WDPCP: variants seen among roughly 807,000 people sequenced by gnomAD.
WDPCP encodes the protein WD repeat-containing and planar cell polarity effector protein fritz homolog.
A neutral mutation model predicts 93.1 loss-of-function variants in WDPCP; 71 were observed. That is an observed-to-expected ratio of 0.76 (90% confidence interval 0.63 to 0.93). The LOEUF (loss-of-function observed/expected upper bound fraction) is 0.93. WDPCP is among the 40% of genes least tolerant of loss of function. WDPCP has a pLI of 0.00. For missense variants in WDPCP, 844 were observed against 887.4 expected (o/e 0.95, Z 0.62); for synonymous variants, 315 against 315.0 (o/e 1.00, Z 0.00).
At chr2:63,528,449 C>T (rs566004030) in intron 1 of WDPCP, among the ~76,000 whole-genome samples, 4 of 152,188 alleles carry the variant, frequency 2.6e-5, no homozygotes, top group Admixed American at 2.6e-4. Context: ...AGCCAGTTTT[C>T]CCAGCACCAT....
intron 2 of WDPCP, among the ~76,000 whole-genome samples, chr2:63,722,766 C>T (rs1443422261): frequency 7.9e-5 from 12 of 151,728 alleles, no homozygotes; most frequent in African/African-American, 2.9e-4. Flanking sequence ...CCCGGCCAGC[C>T]GCCCCGTCTG....
intron 2 of WDPCP, among the ~76,000 whole-genome samples, chr2:63,794,912 C>G (rs1670592868): frequency 6.6e-6 from 1 of 152,202 alleles, no homozygotes; most frequent in Non-Finnish European, 1.5e-5. Context: ...TTATTCATAG[C>G]TTCTCCCACT....
At chr2:63,489,033 T>G (rs374760258) in intron 2 of WDPCP, among the ~76,000 whole-genome samples, 3 of 151,986 alleles carry the variant, frequency 2.0e-5, no homozygotes, top group African/African-American at 7.3e-5. Context: ...AACACTCACA[T>G]GAAGCAACAG....
At chr2:63,326,241 C>G (rs1687526584) in intron 12 of WDPCP, among the ~76,000 whole-genome samples, 1 of 152,174 alleles carries the variant, frequency 6.6e-6, no homozygotes, top group South Asian at 2.1e-4. Context: ...GGATGAGGAA[C>G]CAATCGAGCA....
At chr2:63,405,581 G>GTGTGTGTGTGTC (rs1415564153) in intron 9 of WDPCP, among the ~76,000 whole-genome samples, 57 of 136,372 alleles carry the variant, frequency 4.2e-4, no homozygotes, top group African/African-American at 1.5e-3. Context: ...GTGTGTGTGT[G>GTGTGTGTGTGTC]TGTGTTGGCG....
intron 2 of WDPCP, among the ~76,000 whole-genome samples, chr2:63,705,102 T>A (rs1669128298): frequency 6.6e-6 from 1 of 152,238 alleles, no homozygotes; most frequent in Non-Finnish European, 1.5e-5. Context: ...GTTTATAGTA[T>A]TCTCTGATGG....
chr2:63,720,274 A>G (rs1012050633), intron 2 of WDPCP, among the ~76,000 whole-genome samples: 1 of 152,064 alleles, frequency 6.6e-6, no homozygotes, highest in Admixed American at 6.6e-5. Context: ...AAATTTAGCC[A>G]GGTATGGCGG....
At chr2:63,265,813 C>T (rs1682059875) in intron 13 of WDPCP, among the ~76,000 whole-genome samples, 1 of 152,098 alleles carries the variant, frequency 6.6e-6, no homozygotes, top group Non-Finnish European at 1.5e-5. Flanking sequence ...GATCATTCAC[C>T]ATGATGAAGT....
intron 12 of WDPCP, among the ~76,000 whole-genome samples, chr2:63,338,306 G>A (rs575985916): frequency 5.9e-5 from 9 of 152,096 alleles, no homozygotes; most frequent in African/African-American, 2.2e-4. Flanking sequence ...CACTTTGGGA[G>A]GCCAAGGCGG....
chr2:63,273,021 A>G (rs1682779741), intron 13 of WDPCP, among the ~76,000 whole-genome samples: 2 of 152,186 alleles, frequency 1.3e-5, no homozygotes, highest in African/African-American at 4.8e-5. Context: ...GTCACATATA[A>G]GGGAATCCCA....
chr2:63,668,669 T>C (rs1425197912), intron 2 of WDPCP, among the ~76,000 whole-genome samples: 1 of 152,170 alleles, frequency 6.6e-6, no homozygotes, highest in African/African-American at 2.4e-5. Context: ...TGGTAGAAGA[T>C]TTATCACCCA....
chr2:63,203,189 C>T (rs952729478), intron 14 of WDPCP, among the ~76,000 whole-genome samples: 4 of 151,930 alleles, frequency 2.6e-5, no homozygotes, highest in African/African-American at 9.7e-5. Context: ...TTTGTGGGTA[C>T]ATAGTAGGTA....
At chr2:63,258,896 C>CA (rs1681365666) in intron 14 of WDPCP, among the ~76,000 whole-genome samples, 1 of 152,052 alleles carries the variant, frequency 6.6e-6, no homozygotes, top group African/African-American at 2.4e-5. Context: ...CCATCAAACC[C>CA]AAAATCTCAT....
chr2:63,693,644 G>A (rs756451403), intron 2 of WDPCP, among the ~76,000 whole-genome samples: 33 of 152,058 alleles, frequency 2.2e-4, no homozygotes, highest in Admixed American at 3.3e-4. Flanking sequence ...CCCCCAAGGC[G>A]GGTTGTGGAA....
intron 2 of WDPCP, among the ~76,000 whole-genome samples, chr2:63,687,660 T>C (rs974245854): frequency 3.3e-5 from 5 of 152,036 alleles, no homozygotes; most frequent in Admixed American, 2.6e-4. Context: ...GTTAAAATGG[T>C]TTATATCCAA....
intron 2 of WDPCP, among the ~76,000 whole-genome samples, chr2:63,708,012 C>A (rs1669194248): frequency 1.3e-5 from 2 of 152,160 alleles, no homozygotes; most frequent in Non-Finnish European, 2.9e-5. Flanking sequence ...GAGTACCCAG[C>A]TGTATGAGGT....
intron 13 of WDPCP, among the ~76,000 whole-genome samples, chr2:63,299,536 T>A (rs1373829682): frequency 6.6e-6 from 1 of 152,188 alleles, no homozygotes; most frequent in Non-Finnish European, 1.5e-5. Context: ...GGCTATTAGT[T>A]CATGTGCTCC....
chr2:63,346,448 C>T (rs1689195239), intron 12 of WDPCP, among the ~76,000 whole-genome samples: 1 of 152,174 alleles, frequency 6.6e-6, no homozygotes, highest in Non-Finnish European at 1.5e-5. Flanking sequence ...TTTCTGACTT[C>T]ATTCAACAAA....
At chr2:63,801,198 C>T (rs1460656441) in intron 2 of WDPCP, among the ~76,000 whole-genome samples, 1 of 152,162 alleles carries the variant, frequency 6.6e-6, no homozygotes, top group South Asian at 2.1e-4. Context: ...TCAGCTGGGG[C>T]AGGAATCATA....
Sources: gnomAD v4.1 joint callset for allele counts (sites outside exome capture counted in the v4.1 genomes callset) on GRCh38, gnomAD v4.1.1 for gene constraint, MANE v1.5 for transcripts, NCBI Gene and HGNC (gene_info 2026-07-23, HGNC 2026-07-21) for gene names.